Variants in CELF2 observed in about 807,000 individuals in gnomAD.
CELF2 encodes CUG triplet repeat RNA-binding protein 2.
CELF2 carries 8 observed loss-of-function variants against 62.6 expected under a neutral mutation model. The ratio of observed to expected loss-of-function variants is 0.13; its 90% CI spans 0.07 to 0.23. The LOEUF is 0.23. CELF2 is among the 10% of genes least tolerant of loss of function. The pLI is 1.00. For missense variants in CELF2, 333 were observed against 671.0 expected (o/e 0.50, Z 5.56); for synonymous variants, 258 against 250.0 (o/e 1.03, Z -0.30).
At chr10:10,984,990 G>T (rs1176331959) in intron 2 of CELF2, among the ~76,000 whole-genome samples, 1 of 152,040 alleles carries the variant, frequency 6.6e-6, no homozygotes, top group Admixed American at 6.6e-5. Context: ...TTCTATTGAC[G>T]AATGTTTCAC....
At chr10:10,674,688 AC>A in the CELF2 span, among the ~76,000 whole-genome samples, 1 of 152,104 alleles carries the variant, frequency 6.6e-6, no homozygotes, top group Non-Finnish European at 1.5e-5. Flanking sequence ...GATTAGTTAT[AC>A]TTTTTTTCTT....
At chr10:10,625,105 T>A in the CELF2 span, among the ~76,000 whole-genome samples, 2 of 152,098 alleles carry the variant, frequency 1.3e-5, no homozygotes, top group Admixed American at 6.5e-5. Context: ...CCCTTAAAGT[T>A]CTCCCTGACT....
chr10:11,271,717 CTGTGTG>C (rs3064843), intron 7 of CELF2, among the ~76,000 whole-genome samples: 1 of 150,960 alleles, frequency 6.6e-6, no homozygotes, highest in Non-Finnish European at 1.5e-5. Context: ...GAGGGTGTCT[CTGTGTG>C]TGTGTGTGTG....
intron 2 of CELF2, among the ~76,000 whole-genome samples, chr10:10,984,080 T>C (rs1002462171): frequency 6.6e-6 from 1 of 152,250 alleles, no homozygotes; most frequent in East Asian, 1.9e-4. Context: ...GTGTCTATTA[T>C]GTGTCAGCTT....
At chr10:10,521,855 G>A in the CELF2 span, among the ~76,000 whole-genome samples, 38 of 152,344 alleles carry the variant, frequency 2.5e-4, no homozygotes, top group Non-Finnish European at 5.1e-4. Flanking sequence ...GCCATAAGCA[G>A]ATGTGTTACT....
At chr10:10,484,445 G>A in the CELF2 span, among the ~76,000 whole-genome samples, 1 of 146,156 alleles carries the variant, frequency 6.8e-6, no homozygotes, top group African/African-American at 2.6e-5. Flanking sequence ...GCCCCCCAAG[G>A]AGCTGGAACT....
At chr10:11,272,480 C>A (rs562552599) in intron 7 of CELF2, among the ~76,000 whole-genome samples, 2 of 152,332 alleles carry the variant, frequency 1.3e-5, no homozygotes, top group South Asian at 4.1e-4. Flanking sequence ...CGGCTTCCCC[C>A]ATCCACCATT....
At chr10:10,741,421 G>A in the CELF2 span, among the ~76,000 whole-genome samples, 1 of 133,956 alleles carries the variant, frequency 7.5e-6, no homozygotes, top group Non-Finnish European at 1.5e-5. Context: ...TGAGGAAGGA[G>A]AATTGCTTGA....
At chr10:10,555,166 G>T in the CELF2 span, among the ~76,000 whole-genome samples, 19 of 152,078 alleles carry the variant, frequency 1.2e-4, no homozygotes, top group Non-Finnish European at 2.6e-4. Context: ...CCACCCAGAG[G>T]ATAGAGGTAA....
the CELF2 span, among the ~76,000 whole-genome samples, chr10:10,728,824 G>A: frequency 5.3e-5 from 8 of 152,150 alleles, no homozygotes; most frequent in Non-Finnish European, 7.4e-5. Context: ...CTCTCGTTAA[G>A]CCACGAGAAC....
rs1439614782 is a variant in CELF2, at chr10:11,267,386, C to G, written c.618+709C>G. ...AGATAGATGGCTCTGTACTTTTAGT[C>G]TGTGATTTGGGTCATGGCCTTTCAG... is the stretch of plus-strand genomic sequence containing the variant. On this transcript the variant is annotated intron_variant, in intron 6 of 12. Transcript: ENST00000633077. This position sits in a 1 kb window ranked among gnomAD's most constrained non-coding sequence, Gnocchi z 4.4. Among the ~76,000 whole-genome samples, 1 of 152,154 alleles carries G rather than the reference C, an allele frequency of 6.6e-6. No homozygotes were observed. The highest frequency in any genetic ancestry group is 1.5e-5 in the Non-Finnish European group (1 of 68,032).
At chr10:11,120,696 G>A (rs2057563496) in intron 1 of CELF2, among the ~76,000 whole-genome samples, 1 of 152,152 alleles carries the variant, frequency 6.6e-6, no homozygotes, top group Admixed American at 6.5e-5. Context: ...TGCATCTAGG[G>A]AGTGCTTAAT....
chr10:11,280,282 C>T lies in CELF2; in HGVS notation c.841+5162C>T, dbSNP rs111229712. Among the ~76,000 whole-genome samples, 113 of 152,242 alleles carry T rather than the reference C, an allele frequency of 7.4e-4. No individual in the cohort carries two copies. The highest frequency in any genetic ancestry group is 2.6e-3 in the African/African-American group (107 of 41,494). ...AAGGGGAGTTGCAGGAGAGGCCCCG[C>T]GCCCCATCCAGGAGCAGGCCTGCGC... On this transcript the variant is annotated intron_variant, in intron 8 of 12. Coordinates refer to ENST00000633077, the MANE Select transcript of CELF2 (RefSeq NM_001326342.2). This position sits in a 1 kb window ranked among gnomAD's most constrained non-coding sequence, Gnocchi z 7.6.
intron 1 of CELF2, among the ~76,000 whole-genome samples, chr10:11,126,096 G>C (rs2058648956): frequency 6.6e-6 from 1 of 152,216 alleles, no homozygotes; most frequent in Non-Finnish European, 1.5e-5. Context: ...CCTTTGAGTA[G>C]TCAAGATACG....
At chr10:10,870,257 C>T (rs1307584208) in intron 1 of CELF2, among the ~76,000 whole-genome samples, 1 of 150,964 alleles carries the variant, frequency 6.6e-6, no homozygotes, top group Non-Finnish European at 1.5e-5. Context: ...AATTTAGGGA[C>T]ATTTGGTATA....
chr10:11,060,432 G>T (rs375225973), intron 1 of CELF2, among the ~76,000 whole-genome samples: 1 of 152,144 alleles, frequency 6.6e-6, no homozygotes, highest in African/African-American at 2.4e-5. Flanking sequence ...TGTAATTAGG[G>T]TATGTGAAAT....
the CELF2 span, among the ~76,000 whole-genome samples, chr10:10,758,575 CTA>C: frequency 6.8e-6 from 1 of 147,488 alleles, no homozygotes; most frequent in Non-Finnish European, 1.5e-5. Context: ...GTCCCAGTGT[CTA>C]CACAGAGTGG....
intron 1 of CELF2, among the ~76,000 whole-genome samples, chr10:10,891,980 A>T (rs933003296): frequency 6.6e-6 from 1 of 152,194 alleles, no homozygotes. Flanking sequence ...TGCAAGGCTT[A>T]TTCTTTAAAA....
chr10:11,118,934 G>A (rs1317614726), intron 1 of CELF2, among the ~76,000 whole-genome samples: 1 of 152,178 alleles, frequency 6.6e-6, no homozygotes, highest in Admixed American at 6.5e-5. Context: ...GTGAAATGAG[G>A]ATGGAGGAGC....
Sources: gnomAD v4.1 joint callset for allele counts (sites outside exome capture counted in the v4.1 genomes callset) on GRCh38, gnomAD v4.1.1 for gene constraint, Gnocchi (gnomAD v3.1) non-coding constraint, MANE v1.5 for transcripts, NCBI Gene and HGNC (gene_info 2026-07-23, HGNC 2026-07-21) for gene names.